The following CDAN1 variants were observed in gnomAD, a reference collection of about 807,000 sequenced individuals.
The protein encoded by CDAN1 is codanin 1, also known as codanin-1.
CDAN1 carries 107 observed loss-of-function variants against 139.8 expected under a neutral mutation model. The ratio of observed to expected loss-of-function variants is 0.77; its 90% CI spans 0.65 to 0.90. CDAN1 has a LOEUF of 0.90. CDAN1 is among the 40% of genes least tolerant of loss of function. The pLI is 0.00. For missense variants in CDAN1, 1,667 were observed against 1,575.7 expected (o/e 1.06, Z -0.98); for synonymous variants, 776 against 660.6 (o/e 1.17, Z -2.68).
chr15:42,727,658 T>C lies in CDAN1; in HGVS notation c.3059A>G (p.His1020Arg). 6.3e-7 allele frequency: 1 copy of C among 1,588,508 alleles called. No homozygotes were observed. Among genetic ancestry groups the C allele is most frequent in the South Asian group, 1.1e-5 (1 of 88,774 alleles). ...RRGCSRACEHHAPLPSHLISE... is the reference protein window; with the variant it reads ...RRGCSRACEHRAPLPSHLISE... ...GATGAGGTGGGAGGGGAGGGGAGCA[T>C]GGTGCTCACAGGCGCGGGAGCAGCC... Residue 1020 changes from histidine (H) to arginine (R), a missense_variant, in exon 23 of 28, where the codon CAT becomes CGT. Around this residue, in one of 3 missense-constraint regions of CDAN1, gnomAD observed 936 missense variants for 844.1 expected, o/e 1.11. Transcript: ENST00000356231.
chr15:42,729,526 G>C (rs1207498874), intron 17 of CDAN1, 42 bp downstream of exon 17: 1 of 1,612,448 alleles, frequency 6.2e-7, no homozygotes. Flanking sequence ...GGTACTCATG[G>C]AGGGACAGAC....
At position 42,735,918 on chromosome 15, in the gene CDAN1, A is replaced by C; in HGVS notation, c.730T>G (p.Cys244Gly). ...TCTCGCTCCTCTTGCAGACTTCTGC[A>C]CCCTGGGGGAAGGCCAAGGCCCCAA... The part of the protein sequence containing the change: ...SPWGLGLPPG[C>G]RSLQEEREML... The change falls in exon 3 of 28, where the codon TGC becomes GGC. Residue 244 changes from cysteine to glycine, a missense_variant. Around this residue, in one of 3 missense-constraint regions of CDAN1, gnomAD observed 487 missense variants for 422.2 expected, o/e 1.15. Coordinates refer to ENST00000356231, the MANE Select transcript of CDAN1 (RefSeq NM_138477.4). 1 of 1,614,070 alleles carries C rather than the reference A, an allele frequency of 6.2e-7. No individual in the cohort carries two copies. The highest frequency in any genetic ancestry group is 2.2e-5 in the East Asian group (1 of 44,860).
chr15:42,727,996 G>C lies in CDAN1; in HGVS notation c.2906C>G (p.Ala969Gly), dbSNP rs1293000648. Residue 969 changes from alanine to glycine, a missense_variant, in exon 22 of 28, where the codon GCA becomes GGA. Ala to Gly is a moderately conservative substitution (Grantham distance 60). Around this residue, in one of 3 missense-constraint regions of CDAN1, gnomAD observed 936 missense variants for 844.1 expected, o/e 1.11. Transcript: ENST00000356231. ...SSAENIAVGL[A>G]TEKACAWLSA... ...CAGCCAAGCACAGGCTTTCTCTGTT[G>C]CAAGCCCCACAGCAATGTTCTCTGC... 1.9e-6 allele frequency: 3 copies of C among 1,614,172 alleles called. No individual in the cohort carries two copies. The highest frequency in any genetic ancestry group is 2.2e-5 in the South Asian group (2 of 91,084).
At position 42,729,507 on chromosome 15, in the gene CDAN1, T is replaced by C. The variant is rs989684508; in HGVS notation, c.2407+61A>G. ...ATCCAAGGGAGCTGGGCCAAGGGGG[T>C]GCCTTTTGGGTACTCATGGAGGGAC... On this transcript the variant is annotated intron_variant, in intron 17 of 27. Coordinates refer to ENST00000356231, the MANE Select transcript of CDAN1 (RefSeq NM_138477.4). The C allele has an allele frequency of 9.9e-6, 16 of 1,608,506 alleles. No individual in the cohort carries two copies. In the African/African-American group the frequency reaches 1.9e-4, roughly 19 times the overall value.
intron 17 of CDAN1, 79 bp downstream of exon 17, chr15:42,729,489 G>A: frequency 6.2e-7 from 1 of 1,604,736 alleles, no homozygotes; most frequent in Non-Finnish European, 8.5e-7. Flanking sequence ...AATATCCAAG[G>A]GAGCTGGGCC....
At chr15:42,736,241 G>T (rs764724191) in intron 2 of CDAN1, 61 bp downstream of exon 2, 4 of 1,605,650 alleles carry the variant, frequency 2.5e-6, no homozygotes, top group Admixed American at 1.7e-5. Context: ...CGCCGAGCTC[G>T]AATGACTGAC....
chr15:42,726,457 C>A, intron 23 of CDAN1, 40 bp from the exon 24 acceptor site: 2 of 1,473,864 alleles, frequency 1.4e-6, no homozygotes, highest in Non-Finnish European at 1.9e-6. Context: ...GCGCTGGGGG[C>A]CAGGATGCCA....
intron 14 of CDAN1, 21 bp downstream of exon 14, chr15:42,730,577 C>A: frequency 6.2e-7 from 1 of 1,613,900 alleles, no homozygotes; most frequent in Non-Finnish European, 8.5e-7. Flanking sequence ...TTTCATCAAG[C>A]CTCAGCCTTG....
intron 3 of CDAN1, 84 bp from the exon 4 acceptor site, chr15:42,735,763 C>A: frequency 6.3e-7 from 1 of 1,585,854 alleles, no homozygotes; most frequent in South Asian, 1.1e-5. Flanking sequence ...AAGATACCAA[C>A]AGCCCAGGAG....
Position 42,725,502 on chromosome 15 carries a change from G to C in CDAN1, c.3437C>G (p.Thr1146Arg), listed in dbSNP as rs561742305. ...SPRNVGLLAD[T>R]RPREWDLLLF... ...CGTCTGACTCACCTCCCTTGGCCTT[G>C]TGTCTGCCAGAAGCCCCACATTTCT... Residue 1146 changes from threonine to arginine, a missense_variant, in exon 26 of 28, where the codon ACA (threonine) becomes AGA (arginine). Thr to Arg is a moderately conservative substitution (Grantham distance 71). Coordinates refer to ENST00000356231, the MANE Select transcript of CDAN1 (RefSeq NM_138477.4). 10 of 1,614,194 alleles carry C rather than the reference G, an allele frequency of 6.2e-6. No individual in the cohort carries two copies. The highest frequency in any genetic ancestry group is 7.6e-6 in the Non-Finnish European group (9 of 1,180,038).
At chr15:42,727,263 C>T (rs1363629119) in intron 23 of CDAN1, 1 of 216,540 alleles carries the variant, frequency 4.6e-6, no homozygotes, top group African/African-American at 2.3e-5. Flanking sequence ...CCACATAGAA[C>T]ATTTCTGAAA....
In CDAN1 at chr15:42,724,584, A is replaced by G. The variant is rs745737650; in HGVS notation, c.3591T>C (p.Asn1197=). 11 of 1,552,366 alleles carry G rather than the reference A, an allele frequency of 7.1e-6. No homozygotes were observed. Among genetic ancestry groups the G allele is most frequent in the Non-Finnish European group, 9.6e-6 (11 of 1,147,254 alleles). Residue 1197 remains asparagine (N), a synonymous_variant, in exon 28 of 28, where the codon AAT becomes AAC. Coordinates refer to ENST00000356231, the MANE Select transcript of CDAN1 (RefSeq NM_138477.4). ...GCAGGTGGGGCTCGGCTAGAAACAG[A>G]TTAGACAGTGTTGCTAATTCTTCAG... The part of the protein sequence containing the change: ...DFAEELATLS[N]LFLAEPHLPE...
rs774788590 is a variant in CDAN1 at position 42,736,681 on chromosome 15, C to T, written c.190G>A (p.Val64Ile). 118 of 1,546,914 alleles carry T rather than the reference C, an allele frequency of 7.6e-5. No homozygotes were observed. Among genetic ancestry groups the T allele is most frequent in the Non-Finnish European group, 9.9e-5 (114 of 1,148,968 alleles). The change falls in exon 2 of 28, where the codon GTC becomes ATC. Residue 64 changes from valine (V) to isoleucine (I), a missense_variant. Coordinates refer to ENST00000356231, the MANE Select transcript of CDAN1 (RefSeq NM_138477.4). ...LNFLREQSSR[V>I]LPQGPPTPAK... ...GGGGTCGGGGGCCCCTGCGGGAGGA[C>T]GCGGCTGCTCTGCTCCCTCAGGAAG...
intron 7 of CDAN1, 32 bp from the exon 8 acceptor site, chr15:42,734,079 G>A: frequency 3.1e-6 from 5 of 1,593,614 alleles, no homozygotes; most frequent in Non-Finnish European, 4.3e-6. Flanking sequence ...AGGAACTGCA[G>A]GGTCATGCTG....
At chr15:42,734,176 C>G in intron 7 of CDAN1, 50 bp downstream of exon 7, 2 of 1,613,900 alleles carry the variant, frequency 1.2e-6, no homozygotes, top group South Asian at 2.2e-5. Context: ...TTTATGAAAG[C>G]TAGGAAGGGT....
At position 42,732,399 on chromosome 15, in the gene CDAN1, C is replaced by T. The variant is rs777602832; in HGVS notation, c.1467G>A (p.Met489Ile). 5.1e-5 allele frequency: 83 copies of T among 1,613,826 alleles called. No homozygotes were observed. The highest frequency in any genetic ancestry group is 6.9e-5 in the Non-Finnish European group (81 of 1,179,928). Residue 489 changes from methionine (M) to isoleucine (I), a missense_variant, in exon 10 of 28, where the codon ATG becomes ATA. Physicochemically the swap from Met to Ile is conservative, Grantham distance 10. Transcript: ENST00000356231. ...GGCTGCAGGCTGCGGAGAGCTGACC[C>T]ATCATGGCCCTGAGGAATAGAAGGC... ...KGLGSRIRAM[M>I]GQLSAACSHS...
intron 9 of CDAN1, among the ~76,000 whole-genome samples, chr15:42,732,773 G>A (rs1385599177): frequency 6.6e-6 from 1 of 151,828 alleles, no homozygotes; most frequent in Non-Finnish European, 1.5e-5. Flanking sequence ...ATTAGAGGAT[G>A]GAGAAGATGG....
Position 42,725,682 on chromosome 15 carries a change from G to C in CDAN1, c.3269-12C>G, listed in dbSNP as rs1225236826. The C allele has an allele frequency of 5.0e-6, 8 of 1,613,862 alleles. No individual in the cohort carries two copies. The highest frequency in any genetic ancestry group is 1.7e-5 in the Admixed American group (1 of 59,978). On this transcript the variant is annotated splice_polypyrimidine_tract_variant and intron_variant, in intron 25 of 27. Transcript: ENST00000356231. ...AATTTGATCTGCAACTGTGGAAAGA[G>C]GAAAGCCAAGCTTTAAAAGATGGGG...
Position 42,730,122 on chromosome 15 carries a change from G to A in CDAN1, c.2262+6C>T, listed in dbSNP as rs1410773835. 2.5e-6 allele frequency: 4 copies of A among 1,613,324 alleles called. No homozygotes were observed. The highest frequency in any genetic ancestry group is 3.4e-6 in the Non-Finnish European group (4 of 1,179,376). The stretch of plus-strand genomic sequence containing the variant: ...TCTCTCCAATCTGGACCCTCACTCT[G>A]CCCACCTGGAAAAGCCAGCCCAGGA... On this transcript the variant is annotated splice_donor_region_variant and intron_variant, in intron 15 of 27. Coordinates refer to ENST00000356231, the MANE Select transcript of CDAN1 (RefSeq NM_138477.4).
Sources: allele counts gnomAD v4.1 joint callset (sites outside exome capture counted in the v4.1 genomes callset), GRCh38; gene constraint gnomAD v4.1.1; regional missense constraint gnomAD v4.1.1; transcripts MANE v1.5; gene names NCBI Gene and HGNC (gene_info 2026-07-23, HGNC 2026-07-21).